Variants in RHEB observed in about 807,000 individuals in gnomAD.
RHEB encodes GTP-binding protein Rheb.
In RHEB, 2 loss-of-function variants were observed where a neutral mutation model predicts 28.8. The observed-to-expected ratio is 0.07, with a 90% CI of 0.03 to 0.22. RHEB has a LOEUF of 0.22. Among genes scored for constraint, RHEB ranks in the 10% least tolerant of loss-of-function variants. The pLI, the probability that RHEB is intolerant of heterozygous loss-of-function variation, is 1.00. For synonymous variants in RHEB, 69 were observed against 77.3 expected, an observed-to-expected ratio of 0.89 and a Z score of 0.56; for missense variants, 76 against 219.9, an observed-to-expected ratio of 0.35 and a Z score of 4.14.
At chr7:151,503,954 A>C (rs764719501) in intron 1 of RHEB, among the ~76,000 whole-genome samples, 1 of 152,208 alleles carries the variant, frequency 6.6e-6, no homozygotes, top group Non-Finnish European at 1.5e-5. Flanking sequence ...CATAAGAAAT[A>C]GATGTGGTGA....
At chr7:151,493,289 G>A (rs1474464225) in intron 1 of RHEB, among the ~76,000 whole-genome samples, 1 of 151,782 alleles carries the variant, frequency 6.6e-6, no homozygotes, top group Non-Finnish European at 1.5e-5. Flanking sequence ...GCCTGCCTTG[G>A]CCCCTTTACT....
chr7:151,477,920 G>A (rs554180554), intron 3 of RHEB, among the ~76,000 whole-genome samples: 7 of 152,224 alleles, frequency 4.6e-5, no homozygotes, highest in Admixed American at 2.6e-4. Flanking sequence ...AGGAGAGAGG[G>A]AGAGAGGGAG....
At chr7:151,517,300 G>A (rs1356902816) in intron 1 of RHEB, among the ~76,000 whole-genome samples, 1 of 151,394 alleles carries the variant, frequency 6.6e-6, no homozygotes, top group Non-Finnish European at 1.5e-5. Flanking sequence ...TCCGGGGCGT[G>A]GAGGATGCAG....
intron 1 of RHEB, among the ~76,000 whole-genome samples, chr7:151,509,899 A>G (rs1802952892): frequency 6.6e-6 from 1 of 152,202 alleles, no homozygotes; most frequent in South Asian, 2.1e-4. Context: ...GGCAAAGTAG[A>G]ATAGCTGCAA....
At chr7:151,492,784 T>C (rs1363350338) in intron 1 of RHEB, among the ~76,000 whole-genome samples, 1 of 151,858 alleles carries the variant, frequency 6.6e-6, no homozygotes, top group African/African-American at 2.4e-5. Context: ...ATTTGAAAAT[T>C]AAACGCTACT....
chr7:151,488,228 G>A (rs974672729), intron 2 of RHEB, among the ~76,000 whole-genome samples: 1 of 152,138 alleles, frequency 6.6e-6, no homozygotes, highest in African/African-American at 2.4e-5. Flanking sequence ...TAGTACTTCT[G>A]CTTTAAAATT....
chr7:151,514,584 C>A (rs1387885217), intron 1 of RHEB, among the ~76,000 whole-genome samples: 1 of 152,128 alleles, frequency 6.6e-6, no homozygotes, highest in Non-Finnish European at 1.5e-5. Context: ...TAAAATTGTG[C>A]AGCTGTTCTG....
At chr7:151,511,871 G>A (rs189012584) in intron 1 of RHEB, among the ~76,000 whole-genome samples, 4 of 152,168 alleles carry the variant, frequency 2.6e-5, no homozygotes, top group East Asian at 1.9e-4. Context: ...GGCTGGTCTC[G>A]AACTCCTGAC....
chr7:151,479,416 C>T (rs1031232710), intron 3 of RHEB, among the ~76,000 whole-genome samples: 17 of 152,140 alleles, frequency 1.1e-4, no homozygotes, highest in Admixed American at 1.3e-4. Flanking sequence ...GGCACAATGG[C>T]TCACGTCTGT....
chr7:151,518,630 T>TA (rs1248905514), intron 1 of RHEB, among the ~76,000 whole-genome samples: 3 of 152,094 alleles, frequency 2.0e-5, no homozygotes, highest in African/African-American at 7.2e-5. Flanking sequence ...AACCCGACCC[T>TA]AAGCCACCTT....
chr7:151,492,101 G>C (rs1416642488), intron 1 of RHEB, among the ~76,000 whole-genome samples: 1 of 152,118 alleles, frequency 6.6e-6, no homozygotes, highest in East Asian at 1.9e-4. Flanking sequence ...TGCATCCTTG[G>C]AGCATTATTA....
chr7:151,503,442 A>AT, intron 1 of RHEB: 1 of 1,202,970 alleles, frequency 8.3e-7, no homozygotes, highest in Non-Finnish European at 1.2e-6. Flanking sequence ...GAGACAATGA[A>AT]TTTTTTGACC....
At chr7:151,476,963 T>C (rs2074998) in intron 4 of RHEB, among the ~76,000 whole-genome samples, 60,579 of 152,158 alleles carry the variant, frequency 0.4, 14,180 homozygotes, top group South Asian at 0.6. Flanking sequence ...GGATAAGATA[T>C]TGAACAAACC....
intron 3 of RHEB, among the ~76,000 whole-genome samples, chr7:151,483,573 C>G (rs1340644494): frequency 6.6e-6 from 1 of 152,146 alleles, no homozygotes; most frequent in African/African-American, 2.4e-5. Flanking sequence ...ACAAAATTAG[C>G]CGGGTGTGGT....
chr7:151,478,184 C>T (rs779186418), intron 3 of RHEB, among the ~76,000 whole-genome samples: 3 of 152,082 alleles, frequency 2.0e-5, no homozygotes, highest in East Asian at 3.8e-4. Flanking sequence ...CAACAGCACG[C>T]GCCACTGTCT....
At chr7:151,513,600 G>A (rs1803027935) in intron 1 of RHEB, among the ~76,000 whole-genome samples, 1 of 152,188 alleles carries the variant, frequency 6.6e-6, no homozygotes, top group Non-Finnish European at 1.5e-5. Flanking sequence ...AACCAGGCAT[G>A]GTAGAAGATC....
At chr7:151,492,556 G>C (rs1802602411) in intron 1 of RHEB, among the ~76,000 whole-genome samples, 1 of 120,312 alleles carries the variant, frequency 8.3e-6, no homozygotes, top group African/African-American at 2.5e-5. Context: ...GGCGGAGGTT[G>C]CAGTGAGCTG....
At chr7:151,514,885 A>T (rs1421227126) in intron 1 of RHEB, among the ~76,000 whole-genome samples, 4 of 151,994 alleles carry the variant, frequency 2.6e-5, no homozygotes. Context: ...AAAAAAATAA[A>T]AAAACTAGCT....
At chr7:151,482,323 C>T (rs967522760) in intron 3 of RHEB, among the ~76,000 whole-genome samples, 1 of 152,184 alleles carries the variant, frequency 6.6e-6, no homozygotes, top group Admixed American at 6.5e-5. Flanking sequence ...CAGCTCACTG[C>T]AACCTCAAAC....
Sources: gnomAD v4.1 joint callset for allele counts (sites outside exome capture counted in the v4.1 genomes callset) on GRCh38, gnomAD v4.1.1 for gene constraint, MANE v1.5 for transcripts, NCBI Gene and HGNC (gene_info 2026-07-23, HGNC 2026-07-21) for gene names.